The following SNAP91 variants were observed in gnomAD, a reference collection of about 807,000 sequenced individuals.
The protein encoded by SNAP91 is synaptosome associated protein 91.
A neutral mutation model predicts 100.3 loss-of-function variants in SNAP91; 27 were observed. The ratio of observed to expected loss-of-function variants is 0.27; its 90% CI spans 0.20 to 0.37. SNAP91 has a LOEUF of 0.37. SNAP91 is among the 10% of genes least tolerant of loss of function. The probability of loss-of-function intolerance (pLI) is 1.00; values close to 1 mark genes in which losing one functional copy is unlikely to be tolerated. For missense variants in SNAP91, 986 were observed against 1,123.7 expected, an observed-to-expected ratio of 0.88 and a Z score of 1.75; for synonymous variants, 404 against 398.6, an observed-to-expected ratio of 1.01 and a Z score of -0.16.
At chr6:83,678,664 T>G in intron 2 of SNAP91, 1 of 938,284 alleles carries the variant, frequency 1.1e-6, no homozygotes, top group Non-Finnish European at 1.5e-6. Context: ...ATTCCAAGGT[T>G]ATCACAGCAC....
chr6:83,676,491 A>C (rs1039065538), intron 2 of SNAP91, among the ~76,000 whole-genome samples: 1 of 152,216 alleles, frequency 6.6e-6, no homozygotes, highest in Non-Finnish European at 1.5e-5. Context: ...CAGGCAGAGG[A>C]AAGCAGCAAA....
intron 2 of SNAP91, among the ~76,000 whole-genome samples, chr6:83,699,153 A>G (rs1358443609): frequency 6.6e-6 from 1 of 152,220 alleles, no homozygotes; most frequent in East Asian, 1.9e-4. Context: ...CAAATGAAGT[A>G]CTAGCCAACA....
At chr6:83,629,616 A>G (rs1178385796) in intron 8 of SNAP91, among the ~76,000 whole-genome samples, 1 of 151,792 alleles carries the variant, frequency 6.6e-6, no homozygotes, top group Non-Finnish European at 1.5e-5. Context: ...TTTTGCAGTT[A>G]TTGTAAAAGG....
chr6:83,646,026 C>G (rs1032797349), intron 7 of SNAP91, among the ~76,000 whole-genome samples: 2 of 152,096 alleles, frequency 1.3e-5, no homozygotes, highest in Non-Finnish European at 2.9e-5. Flanking sequence ...ATCTGCATAT[C>G]TTTGTTGGTG....
At chr6:83,557,906 A>G (rs145788601) in intron 28 of SNAP91, among the ~76,000 whole-genome samples, 9 of 151,944 alleles carry the variant, frequency 5.9e-5, no homozygotes, top group African/African-American at 2.2e-4. Context: ...CTGAAGCTAC[A>G]AACTCACATT....
intron 2 of SNAP91, among the ~76,000 whole-genome samples, chr6:83,696,118 G>C (rs1215523830): frequency 3.3e-5 from 5 of 152,006 alleles, no homozygotes; most frequent in African/African-American, 1.2e-4. Flanking sequence ...ATAATGAAGA[G>C]GCCAGAAAAA....
At chr6:83,672,623 G>A (rs1455749159) in intron 2 of SNAP91, among the ~76,000 whole-genome samples, 1 of 152,018 alleles carries the variant, frequency 6.6e-6, no homozygotes, top group East Asian at 1.9e-4. Context: ...ACCTACCACA[G>A]GTCTTCATGT....
At chr6:83,659,722 T>C (rs1285061627) in intron 5 of SNAP91, among the ~76,000 whole-genome samples, 1 of 152,084 alleles carries the variant, frequency 6.6e-6, no homozygotes, top group Non-Finnish European at 1.5e-5. Flanking sequence ...ATGAGCCACT[T>C]TGCCCAATCA....
chr6:83,685,169 C>A (rs1298017776), intron 2 of SNAP91, among the ~76,000 whole-genome samples: 2 of 152,062 alleles, frequency 1.3e-5, no homozygotes, highest in Non-Finnish European at 2.9e-5. Flanking sequence ...CAGAATATAC[C>A]CCATGTTAAC....
chr6:83,677,234 G>A lies in SNAP91; in HGVS notation c.131-11653C>T, dbSNP rs2098922378. On this transcript the variant is annotated intron_variant, in intron 2 of 29. Transcript: ENST00000369694. ...TACTTTCTACAGAGCAGGTAAGGGG[G>A]TACCCTCAGAGTTATGTCAGTCATT... is the stretch of plus-strand genomic sequence containing the variant. 2.6e-5 allele frequency among the ~76,000 whole-genome samples: 4 copies of A among 152,098 alleles called. No individual in the cohort carries two copies. In the South Asian group the frequency reaches 8.3e-4, roughly 32 times the overall value.
At chr6:83,562,166 A>G (rs1366958470) in intron 26 of SNAP91, among the ~76,000 whole-genome samples, 3 of 152,244 alleles carry the variant, frequency 2.0e-5, no homozygotes, top group African/African-American at 7.2e-5. Context: ...AAAAGGTAAC[A>G]CTTTCTAATC....
intron 2 of SNAP91, among the ~76,000 whole-genome samples, chr6:83,683,424 A>C (rs2099019085): frequency 6.6e-6 from 1 of 152,096 alleles, no homozygotes; most frequent in African/African-American, 2.4e-5. Flanking sequence ...CACGGTAATG[A>C]GTTAATTCTT....
chr6:83,590,193 T>C lies in SNAP91; in HGVS notation c.2014+1018A>G, dbSNP rs141073377. On this transcript the variant is annotated intron_variant, in intron 22 of 29. Coordinates refer to ENST00000369694, the MANE Select transcript of SNAP91 (RefSeq NM_001242792.2). ...ACTGTTGTGCTTCCTGTTATGTACC[T>C]GTCTAAGTAAAATCAGAGTAAGGTA... is the stretch of plus-strand genomic sequence containing the variant. Among the ~76,000 whole-genome samples, 1,302 of 152,284 alleles carry C rather than the reference T, an allele frequency of 8.5e-3. 15 individuals are homozygous for C. Among genetic ancestry groups the C allele is most frequent in the African/African-American group, 0.029 (1,214 of 41,536 alleles).
intron 7 of SNAP91, among the ~76,000 whole-genome samples, chr6:83,656,494 A>G (rs1349570121): frequency 6.6e-6 from 1 of 152,174 alleles, no homozygotes; most frequent in African/African-American, 2.4e-5. Context: ...ACCAAGTAAC[A>G]GGTTGAGGAT....
At chr6:83,595,644 CT>C (rs1259540866) in intron 16 of SNAP91, among the ~76,000 whole-genome samples, 4 of 152,156 alleles carry the variant, frequency 2.6e-5, no homozygotes, top group Non-Finnish European at 4.4e-5. Flanking sequence ...ACCTGCTAGA[CT>C]TTCCATCCCC....
intron 2 of SNAP91, among the ~76,000 whole-genome samples, chr6:83,670,528 T>C (rs1231638080): frequency 6.6e-6 from 1 of 151,914 alleles, no homozygotes; most frequent in Non-Finnish European, 1.5e-5. Context: ...AACAGAAATT[T>C]TTAATTATGA....
intron 22 of SNAP91, among the ~76,000 whole-genome samples, chr6:83,588,257 G>A (rs925871209): frequency 1.3e-5 from 2 of 152,078 alleles, no homozygotes; most frequent in African/African-American, 4.8e-5. Context: ...CATCTATACT[G>A]ATTTACATTG....
intron 16 of SNAP91, among the ~76,000 whole-genome samples, chr6:83,598,728 A>G (rs2094806670): frequency 6.6e-6 from 1 of 152,166 alleles, no homozygotes; most frequent in South Asian, 2.1e-4. Flanking sequence ...TGGCCACACA[A>G]AATGGCCAAA....
chr6:83,574,567 C>A (rs927659502), intron 26 of SNAP91, among the ~76,000 whole-genome samples: 1 of 151,966 alleles, frequency 6.6e-6, no homozygotes, highest in Non-Finnish European at 1.5e-5. Context: ...CTAAGACAAT[C>A]AGAAAATTTG....
Sources: allele counts gnomAD v4.1 joint callset (sites outside exome capture counted in the v4.1 genomes callset), GRCh38; gene constraint gnomAD v4.1.1; transcripts MANE v1.5; gene names NCBI Gene and HGNC (gene_info 2026-07-23, HGNC 2026-07-21).